The following KYAT1 variants were observed in gnomAD, a reference collection of about 807,000 sequenced individuals.
KYAT1 encodes the protein kynurenine--oxoglutarate transaminase 1.
In KYAT1, 47 loss-of-function variants were observed where a neutral mutation model predicts 52.4. The ratio of observed to expected loss-of-function variants is 0.90; its 90% CI spans 0.71 to 1.14. The LOEUF is 1.14. Ranked by LOEUF, KYAT1 falls within the 50% of genes most tolerant of loss-of-function variation. KYAT1 has a pLI of 0.00. For missense variants in KYAT1, 480 were observed against 557.9 expected, an observed-to-expected ratio of 0.86 and a Z score of 1.41; for synonymous variants, 212 against 209.6, an observed-to-expected ratio of 1.01 and a Z score of -0.10.
At chr9:128,863,599 G>T (rs1211284500) in intron 1 of KYAT1, among the ~76,000 whole-genome samples, 1 of 150,858 alleles carries the variant, frequency 6.6e-6, no homozygotes, top group Non-Finnish European at 1.5e-5. Flanking sequence ...ACTTAGGAGG[G>T]AGGGAGGGAG....
chr9:128,857,943 C>T (rs1834893348), intron 1 of KYAT1, among the ~76,000 whole-genome samples: 1 of 152,152 alleles, frequency 6.6e-6, no homozygotes, highest in African/African-American at 2.4e-5. Flanking sequence ...CTAGACATAA[C>T]ATCCAAAGCA....
chr9:128,871,271 T>C (rs1837192174), intron 1 of KYAT1, among the ~76,000 whole-genome samples: 1 of 152,156 alleles, frequency 6.6e-6, no homozygotes, highest in Non-Finnish European at 1.5e-5. Context: ...TGAGCCAAGA[T>C]TGTGCCACTG....
chr9:128,879,264 T>G (rs1448312741), intron 1 of KYAT1, among the ~76,000 whole-genome samples: 1 of 151,654 alleles, frequency 6.6e-6, no homozygotes, highest in Non-Finnish European at 1.5e-5. Flanking sequence ...GAGCCGAGAT[T>G]GCACCACTGC....
intron 1 of KYAT1, among the ~76,000 whole-genome samples, chr9:128,870,596 C>CA (rs1288653622): frequency 1.3e-5 from 2 of 152,146 alleles, no homozygotes; most frequent in Non-Finnish European, 2.9e-5. Context: ...GAGGTCATGA[C>CA]ACTGCACTCC....
At chr9:128,873,823 G>A (rs1025652030) in intron 1 of KYAT1, among the ~76,000 whole-genome samples, 16 of 151,550 alleles carry the variant, frequency 1.1e-4, no homozygotes, top group African/African-American at 3.6e-4. Context: ...ATGCACACCT[G>A]TAATCCCAGC....
chr9:128,836,848 T>A lies in KYAT1; in HGVS notation c.642A>T (p.Glu214Asp). ...CGTCGTAGACCATCCACTGGTAGAC[T>A]TCATCAGTGATACACACCACGTCAT... ...QQHDVVCITDEVYQWMVYDGH... is the reference protein window; with the variant it reads ...QQHDVVCITDDVYQWMVYDGH... Residue 214 changes from glutamate (E) to aspartate (D), a missense_variant, in exon 7 of 13, where the codon GAA becomes GAT. Glu to Asp is a conservative substitution (Grantham distance 45). Coordinates refer to ENST00000302586, the MANE Select transcript of KYAT1 (RefSeq NM_004059.5). The A allele has an allele frequency of 6.2e-7, 1 of 1,613,976 alleles. No individual in the cohort carries two copies. Among genetic ancestry groups the A allele is most frequent in the Non-Finnish European group, 8.5e-7 (1 of 1,179,970 alleles).
intron 1 of KYAT1, among the ~76,000 whole-genome samples, chr9:128,870,370 G>A (rs1262848215): frequency 6.6e-6 from 1 of 152,222 alleles, no homozygotes; most frequent in Non-Finnish European, 1.5e-5. Context: ...AGTGAGGCCA[G>A]GGCGACATGG....
chr9:128,872,059 C>T (rs560604931), intron 1 of KYAT1, among the ~76,000 whole-genome samples: 9 of 141,104 alleles, frequency 6.4e-5, no homozygotes, highest in South Asian at 2.4e-4. Flanking sequence ...AACTGGGAGG[C>T]GGAGGTTGCA....
chr9:128,876,132 G>T (rs1837994655), intron 1 of KYAT1, among the ~76,000 whole-genome samples: 2 of 152,014 alleles, frequency 1.3e-5, no homozygotes, highest in East Asian at 1.9e-4. Flanking sequence ...TAGAGATAGG[G>T]TCTCGCTTTG....
chr9:128,849,070 G>A (rs577782888), intron 1 of KYAT1, among the ~76,000 whole-genome samples: 9 of 148,698 alleles, frequency 6.1e-5, no homozygotes, highest in East Asian at 4.0e-4. Flanking sequence ...AGCCAAGATC[G>A]TGCCACTGTA....
At chr9:128,839,125 G>A (rs1304219743) in intron 3 of KYAT1, among the ~76,000 whole-genome samples, 4 of 151,828 alleles carry the variant, frequency 2.6e-5, no homozygotes, top group African/African-American at 9.7e-5. Context: ...CACCATGCCT[G>A]GTTAATTTTT....
chr9:128,844,240 T>C (rs534048998), intron 2 of KYAT1, among the ~76,000 whole-genome samples: 1 of 152,176 alleles, frequency 6.6e-6, no homozygotes, highest in African/African-American at 2.4e-5. Context: ...CCAATAAATA[T>C]GTCTAAAATG....
intron 1 of KYAT1, among the ~76,000 whole-genome samples, chr9:128,851,496 G>C (rs1833952111): frequency 6.6e-6 from 1 of 152,084 alleles, no homozygotes; most frequent in Non-Finnish European, 1.5e-5. Context: ...TCAAACAATA[G>C]AACAATTCTG....
intron 1 of KYAT1, among the ~76,000 whole-genome samples, chr9:128,864,788 T>C (rs1835976075): frequency 6.6e-6 from 1 of 151,964 alleles, no homozygotes; most frequent in South Asian, 2.1e-4. Flanking sequence ...TTTGTATTTT[T>C]AGTAGAGACA....
At position 128,833,317 on chromosome 9, in the gene KYAT1, G is replaced by T; in HGVS notation, c.*267C>A. On this transcript the variant is annotated 3_prime_UTR_variant, in exon 13 of 13. Coordinates refer to ENST00000302586, the MANE Select transcript of KYAT1 (RefSeq NM_004059.5). The stretch of plus-strand genomic sequence containing the variant: ...GTCTCAGCCAAGCCTGGAGAGACCA[G>T]AAGCAACACAAGACCCTACAAACCC... The T allele has an allele frequency of 1.7e-6, 1 of 582,422 alleles. No homozygotes were observed. Among genetic ancestry groups the T allele is most frequent in the Non-Finnish European group, 3.1e-6 (1 of 327,156 alleles). 36.1% of individuals were successfully genotyped at this position (582,422 alleles called of 1,614,324 possible).
intron 1 of KYAT1, among the ~76,000 whole-genome samples, chr9:128,854,024 T>C (rs532703186): frequency 6.6e-6 from 1 of 152,384 alleles, no homozygotes; most frequent in South Asian, 2.1e-4. Flanking sequence ...ATTTATTATC[T>C]TGTTTTGCTG....
In KYAT1 at chr9:128,866,144, T is replaced by C. The variant is rs117460887; in HGVS notation, c.-7+15753A>G. ...TACAAGGGTGATAGGATACCTTCCT[T>C]TCCTCCAAGGAGCGCACAATCTAAT... On this transcript the variant is annotated intron_variant, in intron 1 of 12. Coordinates refer to ENST00000302586, the MANE Select transcript of KYAT1 (RefSeq NM_004059.5). Among the ~76,000 whole-genome samples the C allele has an allele frequency of 4.1e-3, 629 of 152,306 alleles. 13 individuals are homozygous for C. The highest frequency in any genetic ancestry group is 0.041 in the East Asian group (213 of 5,184).
intron 1 of KYAT1, among the ~76,000 whole-genome samples, chr9:128,869,439 G>A (rs892157568): frequency 6.6e-6 from 1 of 152,204 alleles, no homozygotes; most frequent in Non-Finnish European, 1.5e-5. Context: ...GGGATTACTG[G>A]CGTGAGCCAC....
At chr9:128,852,249 G>A (rs1038756180) in intron 1 of KYAT1, among the ~76,000 whole-genome samples, 1 of 152,166 alleles carries the variant, frequency 6.6e-6, no homozygotes, top group Non-Finnish European at 1.5e-5. Flanking sequence ...TACAACCCAT[G>A]GGTGCTCTCC....
Sources: allele counts gnomAD v4.1 joint callset (sites outside exome capture counted in the v4.1 genomes callset), GRCh38; gene constraint gnomAD v4.1.1; transcripts MANE v1.5; gene names NCBI Gene and HGNC (gene_info 2026-07-23, HGNC 2026-07-21).